The following NCEH1 variants were observed in gnomAD, a reference collection of about 807,000 sequenced individuals.
NCEH1 encodes neutral cholesterol ester hydrolase 1.
Under a neutral mutation model 25.4 loss-of-function variants are expected in NCEH1, and 9 were observed. The ratio of observed to expected loss-of-function variants is 0.35; its 90% confidence interval spans 0.21 to 0.62. The LOEUF (loss-of-function observed/expected upper bound fraction) is 0.62, where lower values mean the gene tolerates loss of function less well. Ranked by LOEUF, NCEH1 falls within the 20% of genes least tolerant of loss-of-function variation. NCEH1 has a pLI of 0.72. For synonymous variants in NCEH1, 200 were observed against 199.8 expected (o/e 1.00, Z -0.01); for missense variants, 412 against 501.1 (o/e 0.82, Z 1.70).
intron 1 of NCEH1, among the ~76,000 whole-genome samples, chr3:172,671,251 G>A (rs1482375057): frequency 2.0e-5 from 3 of 152,066 alleles, no homozygotes; most frequent in Non-Finnish European, 4.4e-5. Context: ...GTAGGATTTC[G>A]TTAACTCAAA....
intron 1 of NCEH1, among the ~76,000 whole-genome samples, chr3:172,687,051 A>G (rs931683904): frequency 1.2e-4 from 18 of 152,186 alleles, no homozygotes; most frequent in African/African-American, 3.9e-4. Flanking sequence ...AACGGACAAT[A>G]ATGGTGAGAA....
Position 172,648,101 on chromosome 3 carries a change from T to C in NCEH1, c.152A>G (p.His51Arg). Residue 51 changes from histidine to arginine, a missense_variant, in exon 2 of 5, where the codon CAC becomes CGC. Physicochemically the swap from His to Arg is conservative, Grantham distance 29 (BLOSUM62 0). Coordinates refer to ENST00000475381, the MANE Select transcript of NCEH1 (RefSeq NM_020792.6). ...RGAQQVSNLI[H>R]YLGLSHHLLA... ...CAGGTGATGGCTCAGTCCCAGGTAG[T>C]GGATCAGGTTACTCTGCAGGGCGAG... 2 of 1,614,094 alleles carry C rather than the reference T, an allele frequency of 1.2e-6. No homozygotes were observed. Among genetic ancestry groups the C allele is most frequent in the Non-Finnish European group, 1.7e-6 (2 of 1,180,006 alleles).
intron 1 of NCEH1, among the ~76,000 whole-genome samples, chr3:172,667,622 C>T (rs919783451): frequency 2.0e-5 from 3 of 152,192 alleles, no homozygotes; most frequent in South Asian, 2.1e-4. Flanking sequence ...GGAAAACAGT[C>T]GAACACTCCC....
Position 172,633,423 on chromosome 3 carries a change from A to C in NCEH1, c.*52T>G. On this transcript the variant is annotated 3_prime_UTR_variant, in exon 5 of 5. Transcript: ENST00000475381. The stretch of plus-strand genomic sequence containing the variant: ...AACTAAAAAGTGCATGTCTTTCCAA[A>C]GCAGGTGTAGGAGGTCAAGAGGGGC... The C allele has an allele frequency of 6.5e-7, 1 of 1,542,952 alleles. No individual in the cohort carries two copies.
intron 1 of NCEH1, among the ~76,000 whole-genome samples, chr3:172,696,901 A>G (rs917991168): frequency 3.9e-5 from 6 of 152,162 alleles, no homozygotes; most frequent in African/African-American, 1.4e-4. Flanking sequence ...ATTTAACCAT[A>G]GAGCCCTATT....
intron 1 of NCEH1, among the ~76,000 whole-genome samples, chr3:172,678,383 C>G (rs924268340): frequency 6.6e-6 from 1 of 152,194 alleles, no homozygotes; most frequent in Non-Finnish European, 1.5e-5. Context: ...AAGGAAGTCA[C>G]TGGCTGTTGG....
At chr3:172,644,854 A>G (rs1254786489) in intron 3 of NCEH1, among the ~76,000 whole-genome samples, 2 of 152,212 alleles carry the variant, frequency 1.3e-5, no homozygotes, top group Non-Finnish European at 2.9e-5. Flanking sequence ...TAAACATAAT[A>G]AGTCAAATAT....
intron 1 of NCEH1, among the ~76,000 whole-genome samples, chr3:172,682,265 T>C (rs1162074201): frequency 1.3e-5 from 2 of 152,234 alleles, no homozygotes; most frequent in Non-Finnish European, 2.9e-5. Flanking sequence ...TGTTGACTTA[T>C]GATTAACCCT....
chr3:172,656,686 A>G (rs544168437), intron 1 of NCEH1, among the ~76,000 whole-genome samples: 114 of 152,196 alleles, frequency 7.5e-4, no homozygotes, highest in African/African-American at 2.6e-3. Flanking sequence ...GAATTGCTTG[A>G]CACCGGGAGG....
At chr3:172,705,603 G>C (rs573560380) in intron 1 of NCEH1, among the ~76,000 whole-genome samples, 1 of 152,250 alleles carries the variant, frequency 6.6e-6, no homozygotes, top group South Asian at 2.1e-4. Context: ...CAGATATGTT[G>C]TCCAGCCTCC....
At chr3:172,642,064 C>G (rs1473964226) in intron 3 of NCEH1, among the ~76,000 whole-genome samples, 2 of 152,100 alleles carry the variant, frequency 1.3e-5, no homozygotes, top group Non-Finnish European at 2.9e-5. Context: ...CAGCATTTAA[C>G]ACGGTAACTA....
At chr3:172,653,996 C>A (rs1378558664) in intron 1 of NCEH1, among the ~76,000 whole-genome samples, 1 of 151,978 alleles carries the variant, frequency 6.6e-6, no homozygotes, top group African/African-American at 2.4e-5. Context: ...ACCTCATGAT[C>A]CTCCCGCCTT....
At chr3:172,670,326 AC>A (rs1156499499) in intron 1 of NCEH1, among the ~76,000 whole-genome samples, 5 of 152,216 alleles carry the variant, frequency 3.3e-5, no homozygotes, top group Non-Finnish European at 5.9e-5. Flanking sequence ...TACTTCCATT[AC>A]ACTTTTATTG....
intron 1 of NCEH1, among the ~76,000 whole-genome samples, chr3:172,668,817 T>C (rs1718350764): frequency 1.3e-5 from 2 of 152,194 alleles, no homozygotes; most frequent in Admixed American, 1.3e-4. Context: ...CACAGACATA[T>C]ATATTTTCCC....
chr3:172,649,800 A>G (rs958687662), intron 1 of NCEH1, among the ~76,000 whole-genome samples: 22 of 152,268 alleles, frequency 1.4e-4, no homozygotes, highest in African/African-American at 3.1e-4. Context: ...GTCACAGGAC[A>G]GGTAGTTTGA....
chr3:172,634,362 G>C (rs1476411542), intron 4 of NCEH1, among the ~76,000 whole-genome samples: 1 of 152,080 alleles, frequency 6.6e-6, no homozygotes, highest in African/African-American at 2.4e-5. Context: ...TCTATCTTTA[G>C]GCAGTTAAGA....
At chr3:172,703,125 T>C (rs1297603538) in intron 1 of NCEH1, 1 of 152,232 alleles carries the variant, frequency 6.6e-6, no homozygotes, top group Non-Finnish European at 1.5e-5. Context: ...AAATATATGG[T>C]GCTCACTTCA....
At chr3:172,671,333 G>A (rs1012102508) in intron 1 of NCEH1, among the ~76,000 whole-genome samples, 31 of 152,236 alleles carry the variant, frequency 2.0e-4, no homozygotes, top group South Asian at 6.2e-4. Context: ...GAGGGTTTAG[G>A]AAGAAGTAGA....
At chr3:172,644,377 G>A (rs760755889) in intron 3 of NCEH1, among the ~76,000 whole-genome samples, 2 of 152,194 alleles carry the variant, frequency 1.3e-5, no homozygotes, top group African/African-American at 2.4e-5. Context: ...CAAGGAGGTG[G>A]CGCACCATGA....
Sources: allele counts gnomAD v4.1 joint callset (sites outside exome capture counted in the v4.1 genomes callset), GRCh38; gene constraint gnomAD v4.1.1; transcripts MANE v1.5; gene names NCBI Gene and HGNC (gene_info 2026-07-23, HGNC 2026-07-21).